ADAMTS19: variants seen among roughly 807,000 people sequenced by gnomAD.
The protein encoded by ADAMTS19 is A disintegrin and metalloproteinase with thrombospondin motifs 19.
In ADAMTS19, 93 loss-of-function variants were observed where a neutral mutation model predicts 153.3. The observed-to-expected ratio is 0.61, with a 90% CI of 0.51 to 0.72. ADAMTS19 has a LOEUF of 0.72. ADAMTS19 is among the 30% of genes least tolerant of loss of function. The pLI is 0.00. For missense variants in ADAMTS19, 1,482 were observed against 1,552.1 expected, an observed-to-expected ratio of 0.95 and a Z score of 0.76; for synonymous variants, 600 against 556.6, an observed-to-expected ratio of 1.08 and a Z score of -1.10.
intron 6 of ADAMTS19, among the ~76,000 whole-genome samples, chr5:129,546,719 C>T (rs527839397): frequency 1.3e-5 from 2 of 151,124 alleles, no homozygotes; most frequent in South Asian, 4.2e-4. Flanking sequence ...GATAGATCCT[C>T]ATTGGAAGAG....
intron 10 of ADAMTS19, among the ~76,000 whole-genome samples, chr5:129,629,230 A>G (rs1222891555): frequency 6.6e-6 from 1 of 152,148 alleles, no homozygotes; most frequent in Non-Finnish European, 1.5e-5. Flanking sequence ...TCACTCATGT[A>G]GATAACATGA....
At chr5:129,678,894 G>A (rs246442) in intron 16 of ADAMTS19, among the ~76,000 whole-genome samples, 133,304 of 152,186 alleles carry the variant, frequency 0.88, 58,780 homozygotes, top group East Asian at 1. Context: ...ATGTTTTCAT[G>A]TAATTTTGAC....
At chr5:129,611,846 A>C (rs1751235337) in intron 8 of ADAMTS19, among the ~76,000 whole-genome samples, 1 of 152,120 alleles carries the variant, frequency 6.6e-6, no homozygotes, top group East Asian at 1.9e-4. Context: ...CCAGAGAGAA[A>C]GGTCGGGTTA....
At chr5:129,709,818 G>A (rs1048237302) in intron 21 of ADAMTS19, among the ~76,000 whole-genome samples, 4 of 152,008 alleles carry the variant, frequency 2.6e-5, no homozygotes, top group African/African-American at 7.2e-5. Flanking sequence ...CTTGATTTGC[G>A]CCATTTCACA....
intron 19 of ADAMTS19, among the ~76,000 whole-genome samples, chr5:129,696,233 T>G (rs1328837364): frequency 6.6e-6 from 1 of 152,004 alleles, no homozygotes; most frequent in Non-Finnish European, 1.5e-5. Flanking sequence ...GTCTGACCAA[T>G]TTGGAGAAAC....
intron 18 of ADAMTS19, among the ~76,000 whole-genome samples, chr5:129,684,571 CT>C (rs1376231095): frequency 1.3e-5 from 2 of 149,158 alleles, no homozygotes; most frequent in East Asian, 3.9e-4. Context: ...TTACAGGGGC[CT>C]CCCCAGACAC....
At chr5:129,558,932 ACAGATTTCT>A (rs1435157052) in intron 7 of ADAMTS19, among the ~76,000 whole-genome samples, 1 of 151,962 alleles carries the variant, frequency 6.6e-6, no homozygotes, top group Non-Finnish European at 1.5e-5. Context: ...GTAGAGACAG[ACAGATTTCT>A]TAGAGAGTAC....
In ADAMTS19 at chr5:129,654,359, C is replaced by G. The variant is rs1156414419; in HGVS notation, c.2230C>G (p.Leu744Val). 6.2e-7 allele frequency: 1 copy of G among 1,612,830 alleles called. No homozygotes were observed. Among genetic ancestry groups the G allele is most frequent in the Non-Finnish European group, 8.5e-7 (1 of 1,179,622 alleles). Residue 744 changes from leucine (L) to valine (V), a missense_variant, in exon 14 of 23, where the codon CTA (leucine) becomes GTA (valine). Physicochemically the swap from Leu to Val is conservative, Grantham distance 32 (BLOSUM62 1). Coordinates refer to ENST00000274487, the MANE Select transcript of ADAMTS19 (RefSeq NM_133638.6). ...SPVGKEQPILLSEKVMDGTSC... is the reference protein window; with the variant it reads ...SPVGKEQPILVSEKVMDGTSC... ...TGTTGGAAAAGAACAGCCTATTCTTCTATCAGAAAAAGTGATGGATGGAAC... is the reference window on the plus strand; with the variant it reads ...TGTTGGAAAAGAACAGCCTATTCTTGTATCAGAAAAAGTGATGGATGGAAC...
chr5:129,497,382 ATC>A (rs1424550323), intron 2 of ADAMTS19, among the ~76,000 whole-genome samples: 1 of 152,020 alleles, frequency 6.6e-6, no homozygotes, highest in Non-Finnish European at 1.5e-5. Context: ...ACTGAATAAT[ATC>A]ATTCAGTCTT....
At chr5:129,683,667 T>C (rs954284040) in intron 17 of ADAMTS19, among the ~76,000 whole-genome samples, 4 of 151,892 alleles carry the variant, frequency 2.6e-5, no homozygotes, top group South Asian at 2.1e-4. Context: ...CAACTTCCTG[T>C]CCATCTTTTC....
intron 10 of ADAMTS19, among the ~76,000 whole-genome samples, chr5:129,623,563 C>T (rs914282519): frequency 7.9e-5 from 12 of 152,182 alleles, no homozygotes; most frequent in Middle Eastern, 3.4e-3. Context: ...TGCTTTATAA[C>T]GAACAAAGCA....
In ADAMTS19 at chr5:129,737,411, C is replaced by A; in HGVS notation, c.*193C>A. The A allele has an allele frequency of 2.5e-6, 1 of 401,860 alleles. No homozygotes were observed. Among genetic ancestry groups the A allele is most frequent in the Non-Finnish European group, 4.0e-6 (1 of 248,288 alleles). 24.9% of individuals were successfully genotyped at this position (401,860 alleles called of 1,614,324 possible). On this transcript the variant is annotated 3_prime_UTR_variant, in exon 23 of 23. Transcript: ENST00000274487. ...AAACATTTTGATTTATACTATATGG[C>A]TTCATAAATAATTTTATATGAATGA...
intron 7 of ADAMTS19, among the ~76,000 whole-genome samples, chr5:129,593,357 A>G (rs529509052): frequency 6.6e-6 from 1 of 152,280 alleles, no homozygotes; most frequent in South Asian, 2.1e-4. Context: ...AACACTATTT[A>G]ATAATGATTT....
intron 21 of ADAMTS19, among the ~76,000 whole-genome samples, chr5:129,712,741 A>T (rs1284189473): frequency 1.3e-5 from 2 of 152,178 alleles, no homozygotes; most frequent in Non-Finnish European, 2.9e-5. Context: ...GCAGAAATAC[A>T]TTAACTTAAG....
intron 18 of ADAMTS19, among the ~76,000 whole-genome samples, chr5:129,685,439 G>A (rs928795157): frequency 6.6e-6 from 1 of 150,814 alleles, no homozygotes; most frequent in Non-Finnish European, 1.5e-5. Flanking sequence ...GAAGAAGGAG[G>A]GAATGATCAA....
chr5:129,607,997 T>C lies in ADAMTS19; in HGVS notation c.1478+11333T>C, dbSNP rs564891228. Among the ~76,000 whole-genome samples, 31 of 148,206 alleles carry C rather than the reference T, an allele frequency of 2.1e-4. 1 individual carries two copies. In the East Asian group the frequency reaches 5.9e-3, roughly 28 times the overall value. On this transcript the variant is annotated intron_variant, in intron 8 of 22. Coordinates refer to ENST00000274487, the MANE Select transcript of ADAMTS19 (RefSeq NM_133638.6). ...TATTTCCATTATATAAACAATTCTATATATATAATGGAATATTTATTATAT... is the reference window on the plus strand; with the variant it reads ...TATTTCCATTATATAAACAATTCTACATATATAATGGAATATTTATTATAT...
intron 1 of ADAMTS19, 196 bp downstream of exon 1, chr5:129,460,678 G>T (rs1749617077): frequency 1.6e-6 from 1 of 628,700 alleles, no homozygotes; most frequent in African/African-American, 1.8e-5. Flanking sequence ...CGTTTTAACC[G>T]TATGTGGAAT....
intron 21 of ADAMTS19, among the ~76,000 whole-genome samples, chr5:129,721,597 T>TA (rs1554110519): frequency 5.9e-5 from 9 of 152,224 alleles, no homozygotes; most frequent in African/African-American, 2.2e-4. Context: ...CTTTTTTTTT[T>TA]ATTTATTTTA....
At chr5:129,730,253 A>T (rs1240926226) in intron 21 of ADAMTS19, among the ~76,000 whole-genome samples, 1 of 152,118 alleles carries the variant, frequency 6.6e-6, no homozygotes, top group Non-Finnish European at 1.5e-5. Context: ...TGAACTGGAA[A>T]TATTCAAATC....
Sources: allele counts gnomAD v4.1 joint callset (sites outside exome capture counted in the v4.1 genomes callset), GRCh38; gene constraint gnomAD v4.1.1; transcripts MANE v1.5; gene names NCBI Gene and HGNC (gene_info 2026-07-23, HGNC 2026-07-21).